GMDS: variants seen among roughly 807,000 people sequenced by gnomAD.
GMDS encodes the protein GDP-mannose 4,6 dehydratase.
In GMDS, 20 loss-of-function variants were observed where a neutral mutation model predicts 49.9. The ratio of observed to expected loss-of-function variants is 0.40; its 90% CI spans 0.28 to 0.58. The LOEUF (loss-of-function observed/expected upper bound fraction) is 0.58, where lower values mean the gene tolerates loss of function less well. GMDS is among the 20% of genes least tolerant of loss of function. The pLI is 0.42. For missense variants in GMDS, 362 were observed against 481.4 expected, an observed-to-expected ratio of 0.75 and a Z score of 2.32; for synonymous variants, 177 against 178.6, an observed-to-expected ratio of 0.99 and a Z score of 0.07.
intron 4 of GMDS, among the ~76,000 whole-genome samples, chr6:2,056,084 T>A (rs920143785): frequency 6.6e-6 from 1 of 152,180 alleles, no homozygotes; most frequent in Non-Finnish European, 1.5e-5. Flanking sequence ...GAAAGAATGT[T>A]GCCAACTGAA....
chr6:2,219,501 T>A (rs1458942931), intron 1 of GMDS, among the ~76,000 whole-genome samples: 4 of 152,208 alleles, frequency 2.6e-5, no homozygotes, highest in Admixed American at 1.3e-4. Flanking sequence ...ATTGTCAGCA[T>A]CCTCATTTTA....
chr6:1,765,572 T>A (rs1076703), intron 7 of GMDS, among the ~76,000 whole-genome samples: 60,928 of 151,652 alleles, frequency 0.4, 12,872 homozygotes, highest in East Asian at 0.59. Flanking sequence ...CATTTCATTG[T>A]CTAATTTTAC....
intron 1 of GMDS, among the ~76,000 whole-genome samples, chr6:2,206,373 C>G (rs1412237782): frequency 6.6e-6 from 1 of 151,972 alleles, no homozygotes; most frequent in Non-Finnish European, 1.5e-5. Context: ...GGAGTGTGGT[C>G]AGACTCCAGG....
intron 1 of GMDS, among the ~76,000 whole-genome samples, chr6:2,205,714 C>T (rs1019769022): frequency 5.3e-5 from 8 of 152,154 alleles, no homozygotes; most frequent in Admixed American, 2.6e-4. Context: ...CATCTACCCC[C>T]ACAGATTGCT....
At chr6:1,739,018 T>C (rs73716366) in intron 8 of GMDS, among the ~76,000 whole-genome samples, 2 of 152,338 alleles carry the variant, frequency 1.3e-5, no homozygotes, top group African/African-American at 4.8e-5. Flanking sequence ...CCACTTGTGC[T>C]TAATTAAGTA....
At chr6:1,925,824 A>G (rs1761973924) in intron 7 of GMDS, among the ~76,000 whole-genome samples, 2 of 152,186 alleles carry the variant, frequency 1.3e-5, no homozygotes, top group South Asian at 4.1e-4. Flanking sequence ...CTTCACGCCC[A>G]AATGCTGCAT....
intron 1 of GMDS, among the ~76,000 whole-genome samples, chr6:2,155,649 C>G (rs527597377): frequency 7.2e-5 from 11 of 152,100 alleles, no homozygotes; most frequent in Non-Finnish European, 1.6e-4. Flanking sequence ...TCAGGCACCA[C>G]GTTCACAGGA....
chr6:1,824,406 C>T (rs60415390), intron 7 of GMDS, among the ~76,000 whole-genome samples: 6,422 of 152,190 alleles, frequency 0.042, 400 homozygotes, highest in African/African-American at 0.15. Flanking sequence ...TCAACTATAC[C>T]GCCGCGCCCC....
chr6:2,159,380 C>G (rs1308555671), intron 1 of GMDS, among the ~76,000 whole-genome samples: 1 of 152,078 alleles, frequency 6.6e-6, no homozygotes, highest in Non-Finnish European at 1.5e-5. Context: ...CCACCACATC[C>G]AGCCAATTTT....
intron 8 of GMDS, among the ~76,000 whole-genome samples, chr6:1,733,668 T>A (rs2113462107): frequency 6.6e-6 from 1 of 152,196 alleles, no homozygotes; most frequent in South Asian, 2.1e-4. Context: ...AATACAAAAA[T>A]TAGCTGGGCC....
Position 1,794,987 on chromosome 6 carries a change from T to A in GMDS, c.772-52401A>T, listed in dbSNP as rs149664749. On this transcript the variant is annotated intron_variant, in intron 7 of 10. Transcript: ENST00000380815. ...GGGTGATTACTTGAGCCCAGGAGTT[T>A]GAGACCAGCCTGGGAAACATAGCGA... is the stretch of plus-strand genomic sequence containing the variant. Among the ~76,000 whole-genome samples the A allele has an allele frequency of 5.2e-3, 787 of 152,122 alleles. 5 individuals are homozygous for A. Among genetic ancestry groups the A allele is most frequent in the Admixed American group, 8.5e-3 (130 of 15,284 alleles).
intron 4 of GMDS, among the ~76,000 whole-genome samples, chr6:2,065,542 T>A (rs1245765239): frequency 6.6e-6 from 1 of 152,040 alleles, no homozygotes; most frequent in Admixed American, 6.6e-5. Context: ...GAAGAATGTA[T>A]AACTAGAATA....
rs564293291 is a variant in GMDS at position 2,177,440 on chromosome 6, C to A, written c.103-52709G>T. 2.6e-5 allele frequency among the ~76,000 whole-genome samples: 4 copies of A among 152,204 alleles called. No individual in the cohort carries two copies. The South Asian group carries it at 6.2e-4, about 24-fold the overall frequency. On this transcript the variant is annotated intron_variant, in intron 1 of 10. Coordinates refer to ENST00000380815, the MANE Select transcript of GMDS (RefSeq NM_001500.4). ...ATCCCTGATAAACAGACATAAAATC[C>A]TCAACAAAATACTGGCAAACTGAAT... is the stretch of plus-strand genomic sequence containing the variant.
chr6:1,741,059 C>A (rs1280624300), intron 8 of GMDS, among the ~76,000 whole-genome samples: 1 of 152,066 alleles, frequency 6.6e-6, no homozygotes, highest in East Asian at 1.9e-4. Context: ...TTTTAATTGA[C>A]ACATTATAAT....
At chr6:2,205,789 G>A (rs1344758615) in intron 1 of GMDS, among the ~76,000 whole-genome samples, 1 of 152,108 alleles carries the variant, frequency 6.6e-6, no homozygotes, top group African/African-American at 2.4e-5. Flanking sequence ...GGGGGGAGGG[G>A]GGTGTTGTAG....
At chr6:2,215,016 G>A (rs1780255923) in intron 1 of GMDS, among the ~76,000 whole-genome samples, 1 of 152,166 alleles carries the variant, frequency 6.6e-6, no homozygotes, top group Admixed American at 6.5e-5. Context: ...AAGTACTTTT[G>A]TCTCCACCCC....
intron 1 of GMDS, among the ~76,000 whole-genome samples, chr6:2,180,464 T>C (rs1778470927): frequency 6.6e-6 from 1 of 152,186 alleles, no homozygotes; most frequent in Non-Finnish European, 1.5e-5. Context: ...TTAGCAAACA[T>C]AAAAATTGGA....
intron 9 of GMDS, among the ~76,000 whole-genome samples, chr6:1,644,386 G>A (rs550019439): frequency 1.9e-4 from 29 of 152,272 alleles, no homozygotes; most frequent in East Asian, 1.4e-3. Flanking sequence ...TCCTGTTGGC[G>A]TCTCACCATT....
intron 4 of GMDS, among the ~76,000 whole-genome samples, chr6:1,968,359 C>T (rs1038015191): frequency 6.6e-6 from 1 of 152,134 alleles, no homozygotes; most frequent in Admixed American, 6.5e-5. Context: ...AAAATGACCA[C>T]CAAAACTGAA....
Sources: gnomAD v4.1 joint callset for allele counts (sites outside exome capture counted in the v4.1 genomes callset) on GRCh38, gnomAD v4.1.1 for gene constraint, MANE v1.5 for transcripts, NCBI Gene and HGNC (gene_info 2026-07-23, HGNC 2026-07-21) for gene names.